The following RASGEF1C variants were observed in gnomAD, a reference collection of about 807,000 sequenced individuals.
RASGEF1C encodes RasGEF domain family member 1C.
Under a neutral mutation model 58.1 loss-of-function variants are expected in RASGEF1C, and 27 were observed. The observed-to-expected ratio is 0.46, with a 90% CI of 0.34 to 0.64. The LOEUF is 0.64. Ranked by LOEUF, RASGEF1C falls within the 30% of genes least tolerant of loss-of-function variation. RASGEF1C has a pLI of 0.01. For missense variants in RASGEF1C, 502 were observed against 605.1 expected (o/e 0.83, Z 1.79); for synonymous variants, 243 against 246.3 (o/e 0.99, Z 0.13).
At chr5:180,196,747 T>A (rs1036227441) in intron 1 of RASGEF1C, among the ~76,000 whole-genome samples, 9 of 152,200 alleles carry the variant, frequency 5.9e-5, no homozygotes, top group Non-Finnish European at 1.2e-4. Context: ...TTTCTCTTTT[T>A]TTGTCTTGCT....
intron 1 of RASGEF1C, among the ~76,000 whole-genome samples, chr5:180,172,783 CT>C (rs1767132966): frequency 6.6e-6 from 1 of 152,098 alleles, no homozygotes; most frequent in Non-Finnish European, 1.5e-5. Context: ...TCTGTGCCCC[CT>C]GCCTCCTGTA....
chr5:180,184,634 T>C (rs1755993675), intron 1 of RASGEF1C, among the ~76,000 whole-genome samples: 1 of 152,130 alleles, frequency 6.6e-6, no homozygotes, highest in African/African-American at 2.4e-5. Context: ...AGATTGGATA[T>C]GAAAGCAAGA....
intron 1 of RASGEF1C, among the ~76,000 whole-genome samples, chr5:180,172,933 G>A (rs1767136241): frequency 6.6e-6 from 1 of 152,122 alleles, no homozygotes; most frequent in Non-Finnish European, 1.5e-5. Flanking sequence ...TTTCCTGCCA[G>A]TCTGCCAGCT....
chr5:180,128,577 C>G lies in RASGEF1C; in HGVS notation c.472G>C (p.Ala158Pro). ...YRKRMHQLLQALHQKLAALRQ... is the reference protein window; with the variant it reads ...YRKRMHQLLQPLHQKLAALRQ... Reference sequence around the variant, plus strand: ...AGAGCCGCCAGCTTCTGGTGCAGAGCCTGTAGGAGCTGATGCATCCTCTTC... The same window carrying G: ...AGAGCCGCCAGCTTCTGGTGCAGAGGCTGTAGGAGCTGATGCATCCTCTTC... The change falls in exon 5 of 14, where the codon GCT becomes CCT. Residue 158 changes from alanine to proline, a missense_variant. Transcript: ENST00000361132. 6.2e-7 allele frequency: 1 copy of G among 1,614,064 alleles called. No homozygotes were observed. The highest frequency in any genetic ancestry group is 8.5e-7 in the Non-Finnish European group (1 of 1,180,026).
chr5:180,200,076 A>G (rs1462657815), intron 1 of RASGEF1C, among the ~76,000 whole-genome samples: 1 of 152,030 alleles, frequency 6.6e-6, no homozygotes, highest in East Asian at 1.9e-4. Flanking sequence ...CCTGCCCAAC[A>G]TGGTGAAACC....
chr5:180,172,361 G>A lies in RASGEF1C; in HGVS notation c.-6-34303C>T, dbSNP rs1767125311. ...CTAGGCAGGAACGGCCACCTGGCCT[G>A]GGATGCCCAGCTCTCTACTGCTGCG... On this transcript the variant is annotated intron_variant, in intron 1 of 13. Coordinates refer to ENST00000361132, the MANE Select transcript of RASGEF1C (RefSeq NM_175062.4). Among the ~76,000 whole-genome samples the A allele has an allele frequency of 2.0e-5, 3 of 152,142 alleles. No homozygotes were observed. In the South Asian group the frequency reaches 6.2e-4, roughly 31 times the overall value.
In RASGEF1C at chr5:180,197,302, G is replaced by A. The variant is rs1431894731; in HGVS notation, c.-7+11726C>T. On this transcript the variant is annotated intron_variant, in intron 1 of 13. Coordinates refer to ENST00000361132, the MANE Select transcript of RASGEF1C (RefSeq NM_175062.4). The surrounding 1 kb of genome is among the most constrained non-coding windows in gnomAD (Gnocchi z 4.7). Reference sequence around the variant, plus strand: ...GAGCCCGAACCCTGGGACGGCAGGGGGAAGCAATGGCGGGATCCAGGGTGC... The same window carrying A: ...GAGCCCGAACCCTGGGACGGCAGGGAGAAGCAATGGCGGGATCCAGGGTGC... Among the ~76,000 whole-genome samples the A allele has an allele frequency of 6.6e-6, 1 of 152,232 alleles. No homozygotes were observed. The highest frequency in any genetic ancestry group is 1.5e-5 in the Non-Finnish European group (1 of 68,036).
chr5:180,141,026 C>A (rs1272060987), intron 1 of RASGEF1C, among the ~76,000 whole-genome samples: 3 of 152,182 alleles, frequency 2.0e-5, no homozygotes, highest in Admixed American at 6.5e-5. Context: ...AACGAGGGTC[C>A]CTCGCTCCAC....
Position 180,155,692 on chromosome 5 carries a change from C to T in RASGEF1C, c.-6-17634G>A, listed in dbSNP as rs13358345. On this transcript the variant is annotated intron_variant, in intron 1 of 13. Transcript: ENST00000361132. This position sits in a 1 kb window ranked among gnomAD's most constrained non-coding sequence, Gnocchi z 5.2. ...GGGCAAGTCAGCCTCTCTCCCGCTC[C>T]GTCTTCCATCCTGTCCCTTACTCTT... Among the ~76,000 whole-genome samples the T allele has an allele frequency of 5.3e-5, 8 of 152,136 alleles. No homozygotes were observed. Among genetic ancestry groups the T allele is most frequent in the South Asian group, 2.1e-4 (1 of 4,814 alleles).
Position 180,138,428 on chromosome 5 carries a change from T to A in RASGEF1C, c.-6-370A>T, listed in dbSNP as rs190654436. 4 of 176,066 alleles carry A rather than the reference T, an allele frequency of 2.3e-5. No homozygotes were observed. The East Asian group carries it at 5.8e-4, about 26-fold the overall frequency. The allele number at this position is 176,066 out of a possible 1,614,324, so 10.9% of individuals were successfully genotyped here. A position where few individuals can be genotyped will look rare whatever the true frequency, so the allele number is the denominator to read the frequency against. ...CCCTGCTTCTGGCCACAAAGATTGGTTCAGGGATTGGCCCCATCCAAATTA... is the reference window on the plus strand; with the variant it reads ...CCCTGCTTCTGGCCACAAAGATTGGATCAGGGATTGGCCCCATCCAAATTA... On this transcript the variant is annotated intron_variant, in intron 1 of 13. Coordinates refer to ENST00000361132, the MANE Select transcript of RASGEF1C (RefSeq NM_175062.4).
At chr5:180,162,988 A>T (rs10078578) in intron 1 of RASGEF1C, among the ~76,000 whole-genome samples, 1 of 151,884 alleles carries the variant, frequency 6.6e-6, no homozygotes. Flanking sequence ...GGGGGCTGGG[A>T]GTAGCTATAG....
intron 4 of RASGEF1C, among the ~76,000 whole-genome samples, 191 bp from the exon 5 acceptor site, chr5:180,128,801 G>GGGCC (rs1554112398): frequency 6.6e-6 from 1 of 152,224 alleles, no homozygotes; most frequent in Non-Finnish European, 1.5e-5. Flanking sequence ...GGCCAGGGTG[G>GGGCC]GGCCACCTGG....
At chr5:180,195,101 G>T (rs1326149986) in intron 1 of RASGEF1C, among the ~76,000 whole-genome samples, 2 of 152,204 alleles carry the variant, frequency 1.3e-5, no homozygotes, top group Non-Finnish European at 2.9e-5. Context: ...CAAGCTGGGG[G>T]CCCTGACCTT....
Position 180,111,477 on chromosome 5 carries a change from G to A in RASGEF1C, c.1283C>T (p.Ala428Val), listed in dbSNP as rs987812449. Residue 428 changes from alanine to valine, a missense_variant, in exon 12 of 14, where the codon GCC becomes GTC. Coordinates refer to ENST00000361132, the MANE Select transcript of RASGEF1C (RefSeq NM_175062.4). ...DASITHYLYT[A>V]PIFSEDGLYL... ...CTTACCATCCTCACTGAAGATGGGG[G>A]CGGTGTACAGGTAGTGGGTGATGCT... The A allele has an allele frequency of 1.2e-6, 2 of 1,614,220 alleles. No individual in the cohort carries two copies. Among genetic ancestry groups the A allele is most frequent in the Middle Eastern group, 1.6e-4 (1 of 6,062 alleles).
chr5:180,110,969 C>T (rs576918161), intron 12 of RASGEF1C, among the ~76,000 whole-genome samples: 8 of 152,270 alleles, frequency 5.3e-5, no homozygotes, highest in Admixed American at 2.6e-4. Flanking sequence ...GTAGGCACTA[C>T]AACGCCCGGC....
At chr5:180,151,676 A>G (rs954116880) in intron 1 of RASGEF1C, among the ~76,000 whole-genome samples, 9 of 152,062 alleles carry the variant, frequency 5.9e-5, no homozygotes, top group African/African-American at 1.7e-4. Context: ...TTCATGTCTA[A>G]AACACCAAAA....
intron 6 of RASGEF1C, among the ~76,000 whole-genome samples, chr5:180,127,014 A>G (rs1428504093): frequency 6.6e-6 from 1 of 151,942 alleles, no homozygotes. Flanking sequence ...TTGTACTTTT[A>G]TTAGGTGTGA....
chr5:180,147,620 A>C (rs1320276344), intron 1 of RASGEF1C, among the ~76,000 whole-genome samples: 1 of 151,978 alleles, frequency 6.6e-6, no homozygotes, highest in Non-Finnish European at 1.5e-5. Flanking sequence ...TTTTCCTTCT[A>C]TTATTGATTT....
intron 1 of RASGEF1C, among the ~76,000 whole-genome samples, chr5:180,166,162 T>C (rs1223965270): frequency 2.0e-5 from 3 of 152,244 alleles, no homozygotes; most frequent in Non-Finnish European, 4.4e-5. Context: ...ACACTTCAAG[T>C]GGAATCTAGA....
Sources: allele counts gnomAD v4.1 joint callset (sites outside exome capture counted in the v4.1 genomes callset), GRCh38; gene constraint gnomAD v4.1.1; non-coding constraint Gnocchi (gnomAD v3.1); transcripts MANE v1.5; gene names NCBI Gene and HGNC (gene_info 2026-07-23, HGNC 2026-07-21).